The following KAT14 variants were observed in gnomAD, a reference collection of about 807,000 sequenced individuals.
The protein encoded by KAT14 is lysine acetyltransferase 14.
KAT14 carries 66 observed loss-of-function variants against 78.4 expected under a neutral mutation model. The observed-to-expected ratio is 0.84, with a 90% CI of 0.69 to 1.03. The LOEUF is 1.03. KAT14 is among the 50% of genes least tolerant of loss of function. The pLI, the probability that KAT14 is intolerant of heterozygous loss-of-function variation, is 0.00. For missense variants in KAT14, 870 were observed against 972.5 expected (o/e 0.89, Z 1.40); for synonymous variants, 344 against 359.4 (o/e 0.96, Z 0.48).
intron 7 of KAT14, 148 bp from the exon 8 acceptor site, chr20:18,181,562 G>A: frequency 8.1e-7 from 1 of 1,231,400 alleles, no homozygotes; most frequent in Non-Finnish European, 1.1e-6. Context: ...GTAGAGACAG[G>A]GTTTTACCGT....
At chr20:18,138,263 A>G in intron 1 of KAT14, 2 of 1,231,818 alleles carry the variant, frequency 1.6e-6, no homozygotes, top group African/African-American at 1.6e-5. Context: ...TGCAGCCCGC[A>G]GATTCAGGAC....
chr20:18,144,934 G>A (rs920016750), intron 2 of KAT14, among the ~76,000 whole-genome samples: 6 of 152,180 alleles, frequency 3.9e-5, no homozygotes, highest in Admixed American at 2.0e-4. Context: ...AATGTGTGAA[G>A]AGACCTGCCT....
intron 8 of KAT14, among the ~76,000 whole-genome samples, chr20:18,182,225 A>T (rs965625700): frequency 6.6e-6 from 1 of 150,904 alleles, no homozygotes; most frequent in African/African-American, 2.4e-5. Flanking sequence ...GGGTTCAGGG[A>T]ATTATCTTGC....
chr20:18,181,787 G>C lies in KAT14; in HGVS notation c.1746G>C (p.Met582Ile). 1 of 1,614,170 alleles carries C rather than the reference G, an allele frequency of 6.2e-7. No individual in the cohort carries two copies. The highest frequency in any genetic ancestry group is 1.1e-5 in the South Asian group (1 of 91,080). ...ATCGCTTGGTAGGATCAGAAGATAT[G>C]GCTGTGGACCAGAGTATTGTCAGCC... ...FLYRLVGSED[M>I]AVDQSIVSPY... The change falls in exon 8 of 11, where the codon ATG becomes ATC. Residue 582 changes from methionine (M) to isoleucine (I), a missense_variant. Physicochemically the swap from Met to Ile is conservative, Grantham distance 10. Coordinates refer to ENST00000688188, the MANE Select transcript of KAT14 (RefSeq NM_001392073.1).
At chr20:18,186,837 A>T (rs938037598) in intron 10 of KAT14, among the ~76,000 whole-genome samples, 1 of 152,208 alleles carries the variant, frequency 6.6e-6, no homozygotes, top group African/African-American at 2.4e-5. Flanking sequence ...ATGTTTGTGC[A>T]TGTAATTTAG....
chr20:18,161,910 TAA>T lies in KAT14; in HGVS notation c.773_774del (p.Lys258ArgfsTer13), dbSNP rs765783494. ...AATCCTGTGGAATCTGCCATGGAATTAAAAGAGAAAAGGTCTCGAACTCAGGA... is the reference window on the plus strand; with the variant it reads ...AATCCTGTGGAATCTGCCATGGAATTAAGAGAAAAGGTCTCGAACTCAGGA... On this transcript the variant is annotated frameshift_variant, in exon 6 of 11. Coordinates refer to ENST00000688188, the MANE Select transcript of KAT14 (RefSeq NM_001392073.1). LOFTEE classifies it high-confidence loss of function. 2.5e-6 allele frequency: 4 copies of T among 1,614,058 alleles called. No homozygotes were observed. The South Asian group carries it at 4.4e-5, about 18-fold the overall frequency.
intron 7 of KAT14, among the ~76,000 whole-genome samples, chr20:18,176,293 T>C (rs1216286666): frequency 2.6e-5 from 3 of 117,458 alleles, no homozygotes; most frequent in African/African-American, 9.6e-5. Flanking sequence ...AGAGTGAGAC[T>C]TCGTCTCAAA....
At chr20:18,171,537 C>T (rs1189282036) in intron 7 of KAT14, among the ~76,000 whole-genome samples, 1 of 152,248 alleles carries the variant, frequency 6.6e-6, no homozygotes, top group Non-Finnish European at 1.5e-5. Context: ...CATGGCCAGG[C>T]ACAGTGGCTC....
At chr20:18,160,266 T>A (rs1247588805) in intron 5 of KAT14, among the ~76,000 whole-genome samples, 1 of 152,186 alleles carries the variant, frequency 6.6e-6, no homozygotes, top group Non-Finnish European at 1.5e-5. Flanking sequence ...GGGTGTAAAG[T>A]ATGAAAGTTC....
chr20:18,141,652 G>A (rs2037586388), intron 1 of KAT14, among the ~76,000 whole-genome samples: 1 of 152,200 alleles, frequency 6.6e-6, no homozygotes, highest in African/African-American at 2.4e-5. Context: ...GGGAGGCTGA[G>A]GCAGGTGGAT....
At chr20:18,173,477 A>G (rs1459181291) in intron 7 of KAT14, among the ~76,000 whole-genome samples, 1 of 152,136 alleles carries the variant, frequency 6.6e-6, no homozygotes, top group African/African-American at 2.4e-5. Flanking sequence ...AATGACTTCT[A>G]AGCTTCTTGC....
At chr20:18,138,360 G>T (rs558647438) in intron 1 of KAT14, 89 of 1,079,034 alleles carry the variant, frequency 8.2e-5, no homozygotes, top group Middle Eastern at 8.2e-4. Context: ...CTTTTGGGGT[G>T]CCCAGTGGCT....
chr20:18,182,186 A>G (rs771604253), intron 8 of KAT14, among the ~76,000 whole-genome samples: 18 of 152,010 alleles, frequency 1.2e-4, no homozygotes, highest in South Asian at 6.2e-4. Context: ...CAGTGGTGCA[A>G]TCTTGGCTCA....
At chr20:18,175,717 C>A (rs1042750780) in intron 7 of KAT14, among the ~76,000 whole-genome samples, 1 of 151,850 alleles carries the variant, frequency 6.6e-6, no homozygotes, top group Non-Finnish European at 1.5e-5. Flanking sequence ...AAATGCAAGT[C>A]AAGTACATAA....
chr20:18,185,097 T>C (rs923319377), intron 10 of KAT14, among the ~76,000 whole-genome samples: 20 of 152,348 alleles, frequency 1.3e-4, no homozygotes, highest in African/African-American at 4.6e-4. Flanking sequence ...CTATTCATAT[T>C]AGTAGTAGCT....
In KAT14 at chr20:18,174,733, G is replaced by A. The variant is rs564014579; in HGVS notation, c.1669-6977G>A. Among the ~76,000 whole-genome samples, 3 of 149,386 alleles carry A rather than the reference G, an allele frequency of 2.0e-5. No homozygotes were observed. In the East Asian group the frequency reaches 5.9e-4, roughly 30 times the overall value. On this transcript the variant is annotated intron_variant, in intron 7 of 10. Coordinates refer to ENST00000688188, the MANE Select transcript of KAT14 (RefSeq NM_001392073.1). ...GGCTGGAGTATAGTGATGCGATCTC[G>A]GCTCACTGCAACCTCTGCCTCCTGG...
At position 18,152,227 on chromosome 20, in the gene KAT14, G is replaced by A. The variant is rs140685273; in HGVS notation, c.500+1285G>A. Among the ~76,000 whole-genome samples, 360 of 152,104 alleles carry A rather than the reference G, an allele frequency of 2.4e-3. 4 individuals carry two copies. The highest frequency in any genetic ancestry group is 8.4e-3 in the African/African-American group (350 of 41,480). On this transcript the variant is annotated intron_variant, in intron 4 of 10. Coordinates refer to ENST00000688188, the MANE Select transcript of KAT14 (RefSeq NM_001392073.1). ...GGAGACCAAGGTTGGAGGATCACTC[G>A]AGCCCAGGAGTTTGAAGCCAGCCTG...
At chr20:18,178,459 A>T (rs1363434778) in intron 7 of KAT14, among the ~76,000 whole-genome samples, 2 of 152,164 alleles carry the variant, frequency 1.3e-5, no homozygotes, top group Non-Finnish European at 2.9e-5. Context: ...AAGAGGTTTA[A>T]TTGGACTTAG....
chr20:18,187,208 T>C (rs1436428618), intron 10 of KAT14, 78 bp from the exon 11 acceptor site: 7 of 1,512,874 alleles, frequency 4.6e-6, no homozygotes, highest in East Asian at 2.4e-5. Context: ...CTGCCTACAC[T>C]TAAAAGCGTT....
Sources: gnomAD v4.1 joint callset for allele counts (sites outside exome capture counted in the v4.1 genomes callset) on GRCh38, gnomAD v4.1.1 for gene constraint, MANE v1.5 for transcripts, NCBI Gene and HGNC (gene_info 2026-07-23, HGNC 2026-07-21) for gene names.